FAM110B: variants seen among roughly 807,000 people sequenced by gnomAD.
FAM110B encodes the protein protein FAM110B.
Under a neutral mutation model 20.4 loss-of-function variants are expected in FAM110B, and 6 were observed. That is an observed-to-expected ratio of 0.29 (90% confidence interval 0.16 to 0.58). The LOEUF is 0.58. Ranked by LOEUF, FAM110B falls within the 20% of genes least tolerant of loss-of-function variation. The pLI, the probability that FAM110B is intolerant of heterozygous loss-of-function variation, is 0.90. For synonymous variants in FAM110B, 226 were observed against 214.1 expected (o/e 1.06, Z -0.49); for missense variants, 434 against 498.2 (o/e 0.87, Z 1.23).
chr8:58,135,815 G>C (rs189269240), intron 3 of FAM110B, among the ~76,000 whole-genome samples: 2 of 152,068 alleles, frequency 1.3e-5, no homozygotes, highest in Non-Finnish European at 2.9e-5. Flanking sequence ...GGATCAGACC[G>C]CCTTTTAAGG....
At chr8:58,000,452 G>T (rs1804270145) in intron 1 of FAM110B, among the ~76,000 whole-genome samples, 1 of 152,136 alleles carries the variant, frequency 6.6e-6, no homozygotes, top group African/African-American at 2.4e-5. Context: ...TTAGAAATAA[G>T]AATATTTGTG....
intron 3 of FAM110B, among the ~76,000 whole-genome samples, chr8:58,128,046 CA>C (rs1441623198): frequency 2.0e-5 from 3 of 152,110 alleles, no homozygotes; most frequent in African/African-American, 7.2e-5. Context: ...TCAGTATGTC[CA>C]ATTAAAAATA....
rs56031012 is a variant in FAM110B, at chr8:58,047,591, CCTCTCTCTCTCTCTCT to C, written c.-414+15917_-414+15932del. 2.5e-3 allele frequency among the ~76,000 whole-genome samples: 190 copies of C among 74,748 alleles called. 1 individual carries two copies. The highest frequency in any genetic ancestry group is 6.6e-3 in the African/African-American group (159 of 24,232). The allele number at this position is 74,748 out of a possible 152,430, so 49.0% of individuals were successfully genotyped here. ...CAAATTGTAATTAATCTTCCTTTTT[CCTCTCTCTCTCTCTCT>C]CTCTCTCTCTCTCTCTCTCTCTCTC... On this transcript the variant is annotated intron_variant, in intron 2 of 3. Transcript: ENST00000519262.
At chr8:58,003,883 T>G (rs1339909965) in intron 1 of FAM110B, among the ~76,000 whole-genome samples, 1 of 152,218 alleles carries the variant, frequency 6.6e-6, no homozygotes, top group African/African-American at 2.4e-5. Context: ...ACCAACTGCA[T>G]TAGCTTCTAA....
intron 1 of FAM110B, among the ~76,000 whole-genome samples, chr8:58,018,650 C>T (rs1024998221): frequency 6.6e-6 from 1 of 152,074 alleles, no homozygotes; most frequent in Admixed American, 6.6e-5. Context: ...ATTTTTAAGT[C>T]TATTACCCTA....
chr8:58,046,861 G>A (rs1020622286), intron 2 of FAM110B, among the ~76,000 whole-genome samples: 2 of 152,222 alleles, frequency 1.3e-5, no homozygotes, highest in African/African-American at 4.8e-5. Flanking sequence ...AGTGACTATA[G>A]TGCAGTTGAA....
At chr8:58,047,887 A>G (rs115335329) in intron 2 of FAM110B, among the ~76,000 whole-genome samples, 3,171 of 152,198 alleles carry the variant, frequency 0.021, 109 homozygotes, top group African/African-American at 0.072. Context: ...AATTTTGAAA[A>G]AAAAATTTTT....
intron 3 of FAM110B, among the ~76,000 whole-genome samples, chr8:58,139,524 C>A (rs1246375648): frequency 6.6e-6 from 1 of 152,180 alleles, no homozygotes; most frequent in Non-Finnish European, 1.5e-5. Flanking sequence ...TTTACTCCTC[C>A]ATTCGCTCTT....
At chr8:58,023,831 T>C (rs1335441992) in intron 1 of FAM110B, among the ~76,000 whole-genome samples, 2 of 152,220 alleles carry the variant, frequency 1.3e-5, no homozygotes, top group Non-Finnish European at 2.9e-5. Flanking sequence ...TTTGAAAACA[T>C]GTATTTGTAT....
At chr8:58,122,446 T>G (rs75152162) in intron 3 of FAM110B, among the ~76,000 whole-genome samples, 8 of 152,170 alleles carry the variant, frequency 5.3e-5, no homozygotes, top group Admixed American at 5.2e-4. Context: ...TATTACTTGC[T>G]TACTGCATCT....
intron 1 of FAM110B, among the ~76,000 whole-genome samples, chr8:58,020,048 G>A (rs1053372668): frequency 6.6e-6 from 1 of 151,660 alleles, no homozygotes; most frequent in Non-Finnish European, 1.5e-5. Context: ...GTAAATTTGT[G>A]TGTTTTTTTT....
chr8:58,146,338 C>T lies in FAM110B; in HGVS notation c.108C>T (p.Tyr36=). The part of the protein sequence containing the change: ...PLRILNKGPD[Y]FRRQAEPNPK... ...GCATCCTGAACAAGGGGCCAGACTA[C>T]TTCCGCAGGCAGGCCGAGCCCAACC... Residue 36 remains tyrosine (Y), a synonymous_variant, in exon 4 of 4, where the codon TAC becomes TAT. Transcript: ENST00000519262. 1 of 1,614,072 alleles carries T rather than the reference C, an allele frequency of 6.2e-7. No individual in the cohort carries two copies. Among genetic ancestry groups the T allele is most frequent in the Non-Finnish European group, 8.5e-7 (1 of 1,180,014 alleles).
At chr8:58,110,441 T>G (rs1807032192) in intron 3 of FAM110B, among the ~76,000 whole-genome samples, 1 of 152,182 alleles carries the variant, frequency 6.6e-6, no homozygotes, top group South Asian at 2.1e-4. Flanking sequence ...GGAGAATCAA[T>G]GACTAAAATG....
At chr8:58,042,500 A>G (rs1359059841) in intron 2 of FAM110B, among the ~76,000 whole-genome samples, 2 of 152,196 alleles carry the variant, frequency 1.3e-5, no homozygotes, top group Non-Finnish European at 2.9e-5. Context: ...TACAAACTTC[A>G]GTTTTCCCCA....
intron 3 of FAM110B, among the ~76,000 whole-genome samples, chr8:58,110,663 T>C (rs1361318773): frequency 6.6e-6 from 1 of 152,188 alleles, no homozygotes; most frequent in African/African-American, 2.4e-5. Context: ...TTTCAGAACT[T>C]GATTTCAACT....
intron 1 of FAM110B, among the ~76,000 whole-genome samples, chr8:57,998,879 A>C (rs1038298205): frequency 3.3e-5 from 5 of 152,228 alleles, no homozygotes; most frequent in Non-Finnish European, 4.4e-5. Context: ...TGTAATATAA[A>C]ATTAATGAAC....
At chr8:58,013,489 G>A (rs1285664328) in intron 1 of FAM110B, among the ~76,000 whole-genome samples, 4 of 152,162 alleles carry the variant, frequency 2.6e-5, no homozygotes, top group African/African-American at 9.7e-5. Flanking sequence ...AATTATGTGC[G>A]TTCACCACAT....
chr8:58,067,529 G>A (rs16922983), intron 2 of FAM110B, among the ~76,000 whole-genome samples: 5,556 of 152,146 alleles, frequency 0.037, 325 homozygotes, highest in African/African-American at 0.12. Flanking sequence ...AATATCTTTT[G>A]CCACACTCCA....
chr8:58,044,182 T>C (rs1300003663), intron 2 of FAM110B, among the ~76,000 whole-genome samples: 1 of 152,204 alleles, frequency 6.6e-6, no homozygotes, highest in Non-Finnish European at 1.5e-5. Flanking sequence ...ACATGTGTTC[T>C]CAGAGGCACT....
Sources: allele counts gnomAD v4.1 joint callset (sites outside exome capture counted in the v4.1 genomes callset), GRCh38; gene constraint gnomAD v4.1.1; transcripts MANE v1.5; gene names NCBI Gene and HGNC (gene_info 2026-07-23, HGNC 2026-07-21).